The following TBC1D1 variants were observed in gnomAD, a reference collection of about 807,000 sequenced individuals.
TBC1D1 encodes TBC1 domain family member 1, also known as TBC1 (tre-2/USP6, BUB2, cdc16) domain family, member 1.
A neutral mutation model predicts 125.6 loss-of-function variants in TBC1D1; 89 were observed. The ratio of observed to expected loss-of-function variants is 0.71; its 90% CI spans 0.60 to 0.85. The LOEUF is 0.85. Ranked by LOEUF, TBC1D1 falls within the 40% of genes least tolerant of loss-of-function variation. TBC1D1 has a pLI of 0.00. For missense variants in TBC1D1, 1,377 were observed against 1,469.2 expected, an observed-to-expected ratio of 0.94 and a Z score of 1.03; for synonymous variants, 565 against 564.1, an observed-to-expected ratio of 1.00 and a Z score of -0.02.
At chr4:37,960,878 C>T (rs1238150450) in intron 2 of TBC1D1, 2 of 1,614,014 alleles carry the variant, frequency 1.2e-6, no homozygotes, top group Non-Finnish European at 1.7e-6. Flanking sequence ...CTCTCATGAT[C>T]CTTGATGAGG....
chr4:38,041,633 CA>C (rs964401198), intron 8 of TBC1D1, among the ~76,000 whole-genome samples: 8 of 151,654 alleles, frequency 5.3e-5, no homozygotes, highest in African/African-American at 1.7e-4. Flanking sequence ...GTGAGTGAAT[CA>C]AAAAAAATTT....
At chr4:38,038,674 G>A (rs1747688268) in intron 8 of TBC1D1, among the ~76,000 whole-genome samples, 1 of 152,152 alleles carries the variant, frequency 6.6e-6, no homozygotes, top group South Asian at 2.1e-4. Context: ...CCTGCCGGGC[G>A]CAGTGGCTCA....
chr4:37,966,777 C>T (rs916612868), intron 2 of TBC1D1, among the ~76,000 whole-genome samples: 2 of 152,200 alleles, frequency 1.3e-5, no homozygotes, highest in African/African-American at 4.8e-5. Context: ...CCCTACCCCC[C>T]AACAGGCCCC....
At chr4:37,942,542 T>A (rs1464539477) in intron 2 of TBC1D1, among the ~76,000 whole-genome samples, 1 of 152,078 alleles carries the variant, frequency 6.6e-6, no homozygotes, top group Non-Finnish European at 1.5e-5. Context: ...TTGGTGTTTT[T>A]TTTGTTTTTT....
At chr4:38,022,216 T>C (rs1322133846) in intron 6 of TBC1D1, among the ~76,000 whole-genome samples, 1 of 151,758 alleles carries the variant, frequency 6.6e-6, no homozygotes, top group Non-Finnish European at 1.5e-5. Flanking sequence ...TGACTATTAG[T>C]ATTGACCAGT....
chr4:38,115,878 C>T lies in TBC1D1; in HGVS notation c.2726C>T (p.Ala909Val), dbSNP rs1762901751. The T allele has an allele frequency of 6.2e-6, 10 of 1,613,970 alleles. No individual in the cohort carries two copies. Among genetic ancestry groups the T allele is most frequent in the African/African-American group, 1.3e-5 (1 of 74,880 alleles). Reference sequence around the variant, plus strand: ...CTTCTTCATATGAGTGAGGAAGAGGCGTTTAAAATGCTCAAGTTTCTGATG... The same window carrying T: ...CTTCTTCATATGAGTGAGGAAGAGGTGTTTAAAATGCTCAAGTTTCTGATG... The change falls in exon 16 of 20, where the codon GCG (alanine) becomes GTG (valine). Residue 909 changes from alanine to valine, a missense_variant. Physicochemically the swap from Ala to Val is moderately conservative, Grantham distance 64. Around this residue, in one of 3 missense-constraint regions of TBC1D1, gnomAD observed 543 missense variants for 613.5 expected, o/e 0.89. Transcript: ENST00000261439.
At chr4:38,057,116 C>A (rs774753411) in intron 12 of TBC1D1, among the ~76,000 whole-genome samples, 3 of 152,324 alleles carry the variant, frequency 2.0e-5, no homozygotes, top group East Asian at 1.9e-4. Context: ...TGTGCCCCAC[C>A]ACCCAATCTC....
At chr4:37,921,205 C>T (rs1184772862) in intron 2 of TBC1D1, among the ~76,000 whole-genome samples, 1 of 151,182 alleles carries the variant, frequency 6.6e-6, no homozygotes, top group Non-Finnish European at 1.5e-5. Context: ...GATGAACATC[C>T]CACAGATCTG....
intron 19 of TBC1D1, among the ~76,000 whole-genome samples, chr4:38,134,503 C>T (rs1004883845): frequency 1.3e-5 from 2 of 152,170 alleles, no homozygotes; most frequent in African/African-American, 2.4e-5. Context: ...GGTGAAGAGC[C>T]TGTCTGGCCT....
At chr4:38,022,239 C>G (rs978153146) in intron 6 of TBC1D1, among the ~76,000 whole-genome samples, 1 of 152,158 alleles carries the variant, frequency 6.6e-6, no homozygotes, top group Non-Finnish European at 1.5e-5. Flanking sequence ...TTCTAGAAAC[C>G]TGGCTTAGGG....
At chr4:38,075,588 A>C (rs901316750) in intron 12 of TBC1D1, among the ~76,000 whole-genome samples, 5 of 152,208 alleles carry the variant, frequency 3.3e-5, no homozygotes, top group South Asian at 2.1e-4. Flanking sequence ...CGCAAAGCAC[A>C]AAAGTATTTC....
rs1766828421 is a variant in TBC1D1, at chr4:38,137,391, AGGGACAGAAGACGC to A, written c.*57_*70del. ...CCACACTGTCCAGGCCTTAACTGAG[AGGGACAGAAGACGC>A]TGGAAGGAGAGAAGGAAGCGGGAAG... On this transcript the variant is annotated 3_prime_UTR_variant, in exon 20 of 20. Coordinates refer to ENST00000261439, the MANE Select transcript of TBC1D1 (RefSeq NM_015173.4). 5 of 1,417,796 alleles carry A rather than the reference AGGGACAGAAGACGC, an allele frequency of 3.5e-6. No homozygotes were observed. The Admixed American group carries it at 1.3e-4, about 36-fold the overall frequency. 87.8% of individuals were successfully genotyped at this position (1,417,796 alleles called of 1,614,324 possible). A position where few individuals can be genotyped will look rare whatever the true frequency, so the allele number is the denominator to read the frequency against.
At chr4:38,023,270 T>C (rs1744429834) in intron 6 of TBC1D1, among the ~76,000 whole-genome samples, 1 of 151,872 alleles carries the variant, frequency 6.6e-6, no homozygotes, top group Non-Finnish European at 1.5e-5. Context: ...GGAATATTTA[T>C]TATAAGCTAT....
chr4:38,123,493 T>C (rs1764174993), intron 17 of TBC1D1, among the ~76,000 whole-genome samples: 1 of 152,270 alleles, frequency 6.6e-6, no homozygotes, highest in African/African-American at 2.4e-5. Flanking sequence ...TATTCTTCAA[T>C]TGGCCTGCCT....
chr4:38,106,600 C>G (rs11930484), intron 15 of TBC1D1, among the ~76,000 whole-genome samples: 5 of 152,142 alleles, frequency 3.3e-5, no homozygotes, highest in African/African-American at 1.2e-4. Flanking sequence ...CAGACAGCCC[C>G]GCTCCCCACA....
At chr4:38,004,537 A>T (rs1739708518) in intron 2 of TBC1D1, among the ~76,000 whole-genome samples, 1 of 152,180 alleles carries the variant, frequency 6.6e-6, no homozygotes, top group African/African-American at 2.4e-5. Flanking sequence ...TTCTTTTTGT[A>T]CAGTGTTTGC....
chr4:38,113,672 G>A (rs929796197), intron 15 of TBC1D1, among the ~76,000 whole-genome samples: 1 of 152,138 alleles, frequency 6.6e-6, no homozygotes, highest in African/African-American at 2.4e-5. Flanking sequence ...AGCTGGCAAG[G>A]GTAATGGAAT....
rs576029862 is a variant in TBC1D1 at position 38,090,211 on chromosome 4, G to A, written c.2236+94G>A. The A allele has an allele frequency of 3.3e-6, 4 of 1,217,190 alleles. No homozygotes were observed. In the South Asian group the frequency reaches 5.2e-5, roughly 16 times the overall value. The allele number at this position is 1,217,190 out of a possible 1,614,324, so 75.4% of individuals were successfully genotyped here. ...ATAAGCATGCTGTCTTAAAAATACA[G>A]CAGCACGATAGTCTAATGTATACAT... is the stretch of plus-strand genomic sequence containing the variant. On this transcript the variant is annotated intron_variant, in intron 13 of 19. Transcript: ENST00000261439.
chr4:37,974,542 T>C (rs1267609102), intron 2 of TBC1D1, among the ~76,000 whole-genome samples: 1 of 139,454 alleles, frequency 7.2e-6, no homozygotes, highest in Admixed American at 7.1e-5. Context: ...CATGGCCTGA[T>C]ATTACTCTTG....
Sources: allele counts gnomAD v4.1 joint callset (sites outside exome capture counted in the v4.1 genomes callset), GRCh38; gene constraint gnomAD v4.1.1; regional missense constraint gnomAD v4.1.1; transcripts MANE v1.5; gene names NCBI Gene and HGNC (gene_info 2026-07-23, HGNC 2026-07-21).